Variants in CMTM4 observed in about 807,000 individuals in gnomAD.
CMTM4 encodes CKLF like MARVEL transmembrane domain containing 4.
A neutral mutation model predicts 19.0 loss-of-function variants in CMTM4; 8 were observed. That is an observed-to-expected ratio of 0.42 (90% CI 0.25 to 0.76). CMTM4 has a LOEUF of 0.76. Ranked by LOEUF, CMTM4 falls within the 30% of genes least tolerant of loss-of-function variation. The pLI is 0.27. For missense variants in CMTM4, 228 were observed against 290.2 expected, an observed-to-expected ratio of 0.79 and a Z score of 1.56; for synonymous variants, 106 against 121.1, an observed-to-expected ratio of 0.88 and a Z score of 0.82.
intron 1 of CMTM4, among the ~76,000 whole-genome samples, chr16:66,692,612 C>G (rs2017156138): frequency 6.6e-6 from 1 of 152,156 alleles, no homozygotes; most frequent in Non-Finnish European, 1.5e-5. Flanking sequence ...AAAACACCAC[C>G]AAAAAGTCTA....
the CMTM4 span, chr16:66,604,862 T>G: frequency 1.6e-5 from 23 of 1,397,342 alleles, no homozygotes; most frequent in South Asian, 3.1e-5. Context: ...GCGGCTCCCG[T>G]CCCGGCCCCG....
chr16:66,685,624 G>C (rs1052262254), intron 1 of CMTM4, among the ~76,000 whole-genome samples: 1 of 151,852 alleles, frequency 6.6e-6, no homozygotes, highest in Non-Finnish European at 1.5e-5. Flanking sequence ...CCATAACCTG[G>C]GAAAGATTCT....
the CMTM4 span, chr16:66,604,995 G>T: frequency 7.1e-7 from 1 of 1,415,768 alleles, no homozygotes. Flanking sequence ...AGGACTGCGC[G>T]GCTCCTTTCG....
At chr16:66,664,882 C>T (rs933085356) in intron 1 of CMTM4, among the ~76,000 whole-genome samples, 1 of 152,074 alleles carries the variant, frequency 6.6e-6, no homozygotes, top group Non-Finnish European at 1.5e-5. Context: ...AATCCCAGCA[C>T]TTTGGGAGGC....
intron 1 of CMTM4, among the ~76,000 whole-genome samples, chr16:66,681,873 C>T (rs1170932725): frequency 6.6e-6 from 1 of 152,208 alleles, no homozygotes; most frequent in African/African-American, 2.4e-5. Flanking sequence ...CCTTTCTGGG[C>T]TGGACCCTAG....
At chr16:66,600,135 T>TA in the CMTM4 span, among the ~76,000 whole-genome samples, 1 of 134,142 alleles carries the variant, frequency 7.5e-6, no homozygotes, top group Non-Finnish European at 1.6e-5. Context: ...TGTGTGTGTG[T>TA]GTTTTTTTTT....
chr16:66,612,992 C>T (rs2015439656), downstream of CMTM4: 5 of 697,250 alleles, frequency 7.2e-6, no homozygotes, highest in Admixed American at 4.0e-5. The surrounding 1 kb of genome is among the most constrained non-coding windows in gnomAD (Gnocchi z 6.0). Context: ...TGCTAGGTGG[C>T]GGGGGTCGGG....
In CMTM4 at chr16:66,614,901, T is replaced by G. The variant is rs1278465357; in HGVS notation, c.*7157A>C. 2 of 152,210 alleles carry G rather than the reference T, an allele frequency of 1.3e-5. No homozygotes were observed. Among genetic ancestry groups the G allele is most frequent in the Non-Finnish European group, 2.9e-5 (2 of 68,038 alleles). The allele number at this position is 152,210 out of a possible 1,614,324, so 9.4% of individuals were successfully genotyped here. ...GATCAAGACAAGTACCATGAAAAAC[T>G]GGTCCTTCAAATGAAAGGGGGAAAA... On this transcript the variant is annotated 3_prime_UTR_variant, in exon 4 of 4. Transcript: ENST00000394106. The surrounding 1 kb of genome is among the most constrained non-coding windows in gnomAD (Gnocchi z 4.9).
At chr16:66,661,146 T>A (rs1327997159) in intron 1 of CMTM4, among the ~76,000 whole-genome samples, 1 of 152,170 alleles carries the variant, frequency 6.6e-6, no homozygotes, top group Non-Finnish European at 1.5e-5. Context: ...TAGAAATTAT[T>A]TGGGAGAAAA....
chr16:66,666,308 C>T (rs1029661420), intron 1 of CMTM4, among the ~76,000 whole-genome samples: 2 of 151,884 alleles, frequency 1.3e-5, no homozygotes, highest in Non-Finnish European at 2.9e-5. Flanking sequence ...AAAAAATTAG[C>T]CAGGCGTCAT....
chr16:66,651,203 G>C (rs1187607058), intron 1 of CMTM4, among the ~76,000 whole-genome samples: 53 of 152,056 alleles, frequency 3.5e-4, no homozygotes, highest in Non-Finnish European at 1.2e-4. Flanking sequence ...TGTTAAGATG[G>C]GCTCCTGGAG....
chr16:66,684,856 C>T (rs1198954411), intron 1 of CMTM4, among the ~76,000 whole-genome samples: 2 of 152,078 alleles, frequency 1.3e-5, no homozygotes, highest in East Asian at 1.9e-4. Context: ...GCTGACAGGC[C>T]GAAGCCATCC....
chr16:66,600,136 G>GTT, the CMTM4 span, among the ~76,000 whole-genome samples: 7 of 135,148 alleles, frequency 5.2e-5, no homozygotes, highest in South Asian at 4.8e-4. Flanking sequence ...GTGTGTGTGT[G>GTT]TTTTTTTTTG....
intron 1 of CMTM4, among the ~76,000 whole-genome samples, chr16:66,657,373 G>A (rs2016418075): frequency 6.6e-6 from 1 of 152,132 alleles, no homozygotes; most frequent in African/African-American, 2.4e-5. Flanking sequence ...TTACAGGCGT[G>A]AGCCACCGCA....
chr16:66,678,259 A>C (rs551447556), intron 1 of CMTM4, among the ~76,000 whole-genome samples: 3 of 152,334 alleles, frequency 2.0e-5, no homozygotes, highest in African/African-American at 7.2e-5. Context: ...AAAGCCATAA[A>C]GAATGCTCCT....
In CMTM4 at chr16:66,696,367, C is replaced by T. The variant is rs192164111; in HGVS notation, c.159G>A (p.Ala53=). 0.021 allele frequency: 29,603 copies of T among 1,423,020 alleles called. 761 individuals carry two copies. The highest frequency in any genetic ancestry group is 0.11 in the South Asian group (7,855 of 72,484). 88.1% of individuals were successfully genotyped at this position (1,423,020 alleles called of 1,614,324 possible). Residue 53 remains alanine, a synonymous_variant, in exon 1 of 4, where the codon GCG becomes GCA. Coordinates refer to ENST00000394106, the MANE Select transcript of CMTM4 (RefSeq NM_181521.3). The surrounding 1 kb of genome is among the most constrained non-coding windows in gnomAD (Gnocchi z 4.3). ...CTTGGGCGACCTTGAGGCGGCCGAG[C>T]GCGCCGCGCAGGTAGTCGGGGTCGC... is the stretch of plus-strand genomic sequence containing the variant. ...LRCDPDYLRG[A]LGRLKVAQVI...
chr16:66,672,924 CTTTT>C (rs150720178), intron 1 of CMTM4, among the ~76,000 whole-genome samples: 2 of 107,940 alleles, frequency 1.9e-5, no homozygotes, highest in Non-Finnish European at 1.9e-5. Context: ...CTGCGCCTGG[CTTTT>C]TTTTTTTTTT....
chr16:66,609,613 C>A, the CMTM4 span: 1 of 1,518,248 alleles, frequency 6.6e-7, no homozygotes, highest in Non-Finnish European at 8.9e-7. This position sits in a 1 kb window ranked among gnomAD's most constrained non-coding sequence, Gnocchi z 4.4. Context: ...CAGAGCCTTT[C>A]CCTGCTGGGG....
At chr16:66,633,363 G>C (rs1294690812) in intron 2 of CMTM4, among the ~76,000 whole-genome samples, 1 of 151,852 alleles carries the variant, frequency 6.6e-6, no homozygotes, top group African/African-American at 2.4e-5. Flanking sequence ...GGCTGGCTCT[G>C]CTGGAGACAA....
Sources: gnomAD v4.1 joint callset for allele counts (sites outside exome capture counted in the v4.1 genomes callset) on GRCh38, gnomAD v4.1.1 for gene constraint, Gnocchi (gnomAD v3.1) non-coding constraint, MANE v1.5 for transcripts, NCBI Gene and HGNC (gene_info 2026-07-23, HGNC 2026-07-21) for gene names.